Variants in BAZ1A observed in about 807,000 individuals in gnomAD.
The protein encoded by BAZ1A is bromodomain adjacent to zinc finger domain protein 1A.
Under a neutral mutation model 185.2 loss-of-function variants are expected in BAZ1A, and 50 were observed. That is an observed-to-expected ratio of 0.27 (90% CI 0.22 to 0.34). BAZ1A has a LOEUF of 0.34. Ranked by LOEUF, BAZ1A falls within the 10% of genes least tolerant of loss-of-function variation. BAZ1A has a pLI of 1.00. For missense variants in BAZ1A, 1,356 were observed against 1,839.9 expected (o/e 0.74, Z 4.81); for synonymous variants, 571 against 615.6 (o/e 0.93, Z 1.07).
At chr14:34,833,877 A>C (rs997279440) in intron 3 of BAZ1A, among the ~76,000 whole-genome samples, 16 of 152,282 alleles carry the variant, frequency 1.1e-4, no homozygotes, top group African/African-American at 3.9e-4. Flanking sequence ...TGTTTATTTT[A>C]CTAAAATAAA....
chr14:34,872,321 G>C (rs8005470), intron 2 of BAZ1A, among the ~76,000 whole-genome samples: 43,171 of 152,102 alleles, frequency 0.28, 6,686 homozygotes, highest in Non-Finnish European at 0.36. Context: ...ATAAGACTAG[G>C]CTTGGTGGTT....
intron 24 of BAZ1A, among the ~76,000 whole-genome samples, chr14:34,760,359 A>G (rs1886468886): frequency 1.3e-5 from 2 of 152,200 alleles, no homozygotes; most frequent in South Asian, 4.1e-4. Context: ...TACTTCCCCT[A>G]AAAAACTTGA....
chr14:34,822,889 G>C (rs1042476827), intron 4 of BAZ1A, among the ~76,000 whole-genome samples: 4 of 152,068 alleles, frequency 2.6e-5, no homozygotes, highest in African/African-American at 9.7e-5. Context: ...AATGTGCTTT[G>C]TATTCAAAGT....
intron 3 of BAZ1A, among the ~76,000 whole-genome samples, chr14:34,858,178 A>C (rs933740427): frequency 1.3e-5 from 2 of 152,206 alleles, no homozygotes; most frequent in African/African-American, 4.8e-5. Context: ...GAGAAATATA[A>C]AATGTTGAGG....
chr14:34,780,354 A>T, intron 16 of BAZ1A, 44 bp from the exon 17 acceptor site: 1 of 1,551,492 alleles, frequency 6.4e-7, no homozygotes, highest in Non-Finnish European at 8.7e-7. Context: ...TGAATATATA[A>T]TTCCATTTAT....
chr14:34,866,502 A>AAAAAAAAAAAAAG lies in BAZ1A; in HGVS notation c.114-4181_114-4180insCTTTTTTTTTTTT. Among the ~76,000 whole-genome samples the AAAAAAAAAAAAAG allele has an allele frequency of 5.7e-4, 45 of 79,552 alleles. 3 individuals carry two copies. Among genetic ancestry groups the AAAAAAAAAAAAAG allele is most frequent in the Non-Finnish European group, 8.5e-4 (30 of 35,278 alleles). 52.2% of individuals were successfully genotyped at this position (79,552 alleles called of 152,430 possible). On this transcript the variant is annotated intron_variant, in intron 2 of 26. Transcript: ENST00000360310. ...AACAATATCTCAAAAAAAAAAAAAAAGAAAAAAGTTCTAACTTTTTCCTAT... is the reference window on the plus strand; with the variant it reads ...AACAATATCTCAAAAAAAAAAAAAAAAAAAAAAAAAAAGGAAAAAAGTTCTAACTTTTTCCTAT...
chr14:34,792,255 G>A (rs139547934), intron 12 of BAZ1A, among the ~76,000 whole-genome samples: 1,764 of 152,114 alleles, frequency 0.012, 22 homozygotes, highest in Non-Finnish European at 0.018. Flanking sequence ...GCATGGTGGC[G>A]GGCGTCTGTA....
intron 23 of BAZ1A, among the ~76,000 whole-genome samples, chr14:34,763,639 T>C (rs572075184): frequency 6.6e-6 from 1 of 152,308 alleles, no homozygotes; most frequent in Admixed American, 6.5e-5. Flanking sequence ...AACTGAAGGT[T>C]TGTGGCAATT....
In BAZ1A at chr14:34,758,934, C is replaced by T. The variant is rs555493191; in HGVS notation, c.4244-88G>A. 6 of 1,367,818 alleles carry T rather than the reference C, an allele frequency of 4.4e-6. No individual in the cohort carries two copies. The South Asian group carries it at 8.2e-5, about 19-fold the overall frequency. 84.7% of individuals were successfully genotyped at this position (1,367,818 alleles called of 1,614,324 possible). On this transcript the variant is annotated intron_variant, in intron 24 of 26. Coordinates refer to ENST00000360310, the MANE Select transcript of BAZ1A (RefSeq NM_013448.3). ...AAACTGGATATATAAATACCAAATT[C>T]CAACAGAAAATAGACACTCCGTACA...
intron 2 of BAZ1A, among the ~76,000 whole-genome samples, chr14:34,867,452 A>G (rs956369479): frequency 3.5e-5 from 5 of 143,242 alleles, no homozygotes; most frequent in African/African-American, 1.2e-4. Flanking sequence ...ATTTCATGCC[A>G]TGGCAGGGGG....
chr14:34,827,734 CAA>C (rs60368383), intron 3 of BAZ1A, among the ~76,000 whole-genome samples: 79,943 of 132,786 alleles, frequency 0.6, 22,510 homozygotes, highest in South Asian at 0.69. Context: ...GACTCTGTCT[CAA>C]AAAAAAAAAA....
At chr14:34,844,480 C>G (rs1229489230) in intron 3 of BAZ1A, among the ~76,000 whole-genome samples, 1 of 151,674 alleles carries the variant, frequency 6.6e-6, no homozygotes, top group Non-Finnish European at 1.5e-5. Context: ...CAATCCCTAT[C>G]AAAATTCCAA....
Position 34,874,892 on chromosome 14 carries a change from C to T in BAZ1A, c.-58-230G>A, listed in dbSNP as rs2043019195. On this transcript the variant is annotated intron_variant, in intron 1 of 26. Coordinates refer to ENST00000360310, the MANE Select transcript of BAZ1A (RefSeq NM_013448.3). This position sits in a 1 kb window ranked among gnomAD's most constrained non-coding sequence, Gnocchi z 4.7. Reference sequence around the variant, plus strand: ...ACCTCCTCTCGTCCTGCCGCCGCCTCACAATGGGGCAGGACGCCCCGCCGC... The same window carrying T: ...ACCTCCTCTCGTCCTGCCGCCGCCTTACAATGGGGCAGGACGCCCCGCCGC... 1 of 248,648 alleles carries T rather than the reference C, an allele frequency of 4.0e-6. No individual in the cohort carries two copies. The highest frequency in any genetic ancestry group is 7.7e-6 in the Non-Finnish European group (1 of 129,918). 15.4% of individuals were successfully genotyped at this position (248,648 alleles called of 1,614,324 possible).
chr14:34,858,338 A>T (rs1473320056), intron 3 of BAZ1A, among the ~76,000 whole-genome samples: 2 of 152,028 alleles, frequency 1.3e-5, no homozygotes, highest in African/African-American at 4.8e-5. Context: ...GTTCACTGCA[A>T]CTTCCACCTC....
rs1435288575 is a variant in BAZ1A, at chr14:34,752,875, T to TA, written c.*632dup. On this transcript the variant is annotated 3_prime_UTR_variant, in exon 27 of 27. Transcript: ENST00000360310. Reference sequence around the variant, plus strand: ...TTGATCATTAAGGAAGTTAGAGGAATAAAAACACAGTAAAAGGTTTAAAAC... The same window carrying TA: ...TTGATCATTAAGGAAGTTAGAGGAATAAAAAACACAGTAAAAGGTTTAAAAC... 6.6e-6 allele frequency: 1 copy of TA among 152,276 alleles called. No homozygotes were observed. Among genetic ancestry groups the TA allele is most frequent in the East Asian group, 1.9e-4 (1 of 5,204 alleles). 9.4% of individuals were successfully genotyped at this position (152,276 alleles called of 1,614,324 possible). A position where few individuals can be genotyped will look rare whatever the true frequency, so the allele number is the denominator to read the frequency against.
chr14:34,869,682 A>G (rs1330494311), intron 2 of BAZ1A, among the ~76,000 whole-genome samples: 1 of 152,164 alleles, frequency 6.6e-6, no homozygotes, highest in Non-Finnish European at 1.5e-5. Context: ...AATTGTAGCA[A>G]CTGCTTGTGG....
At chr14:34,816,386 C>A (rs2042007581) in intron 4 of BAZ1A, among the ~76,000 whole-genome samples, 1 of 152,152 alleles carries the variant, frequency 6.6e-6, no homozygotes, top group Non-Finnish European at 1.5e-5. Context: ...CCACGCCCAG[C>A]CCCAGATGTT....
chr14:34,847,483 G>A (rs2138779614), intron 3 of BAZ1A, among the ~76,000 whole-genome samples: 1 of 152,154 alleles, frequency 6.6e-6, no homozygotes, highest in South Asian at 2.1e-4. Flanking sequence ...CTATCTTTGA[G>A]CCGAAATAAG....
chr14:34,832,207 C>T (rs1360944323), intron 3 of BAZ1A, among the ~76,000 whole-genome samples: 24 of 67,496 alleles, frequency 3.6e-4, no homozygotes, highest in South Asian at 2.7e-3. Context: ...CACACACACA[C>T]ACACACACAT....
Sources: allele counts gnomAD v4.1 joint callset (sites outside exome capture counted in the v4.1 genomes callset), GRCh38; gene constraint gnomAD v4.1.1; non-coding constraint Gnocchi (gnomAD v3.1); transcripts MANE v1.5; gene names NCBI Gene and HGNC (gene_info 2026-07-23, HGNC 2026-07-21).